REST: variants seen among roughly 807,000 people sequenced by gnomAD.
REST encodes RE1 silencing transcription factor, also known as RE1-silencing transcription factor.
Under a neutral mutation model 30.4 loss-of-function variants are expected in REST, and 1 was observed. That is an observed-to-expected ratio of 0.03 (90% CI 0.01 to 0.16). The LOEUF is 0.16. Ranked by LOEUF, REST falls within the 10% of genes least tolerant of loss-of-function variation. The pLI is 1.00. For synonymous variants in REST, 504 were observed against 451.1 expected (o/e 1.12, Z -1.49); for missense variants, 1,259 against 1,329.5 (o/e 0.95, Z 0.82).
In REST at chr4:56,930,905, G is replaced by C; in HGVS notation, c.2047G>C (p.Ala683Pro). The C allele has an allele frequency of 1.2e-6, 2 of 1,613,358 alleles. No individual in the cohort carries two copies. The highest frequency in any genetic ancestry group is 1.7e-6 in the Non-Finnish European group (2 of 1,179,540). The change falls in exon 4 of 4, where the codon GCT (alanine) becomes CCT (proline). Residue 683 changes from alanine (A) to proline (P), a missense_variant. By Grantham distance (27) the Ala-to-Pro change is conservative. Around this residue, in one of 5 missense-constraint regions of REST, gnomAD observed 856 missense variants for 772.8 expected, o/e 1.11. Transcript: ENST00000309042. ...GATGGTGGGTGCCCAAATTGTACTT[G>C]CTCACATGGAGCTGCCTCCTCCCAT... Reference protein sequence around the residue: ...AQMVGAQIVLAHMELPPPMET... With the variant: ...AQMVGAQIVLPHMELPPPMET...
rs1016195062 is a variant in REST at position 56,931,137 on chromosome 4, C to G, written c.2279C>G (p.Pro760Arg). ...SPPMEVVQKE[P>R]VKIELSPPIE... is the part of the protein sequence containing the mutation. ...CCCATGGAGGTGGTCCAGAAGGAAC[C>G]TGTTAAGATAGAGCTGTCTCCTCCC... The change falls in exon 4 of 4, where the codon CCT becomes CGT. Residue 760 changes from proline to arginine, a missense_variant. By Grantham distance (103) the Pro-to-Arg change is moderately radical. Transcript: ENST00000309042. 6 of 1,604,354 alleles carry G rather than the reference C, an allele frequency of 3.7e-6. No individual in the cohort carries two copies. In the African/African-American group the frequency reaches 8.1e-5, roughly 22 times the overall value.
rs781654 is a variant in REST at position 56,908,010 on chromosome 4, C to G, written c.-213C>G. The G allele has an allele frequency of 0.9, 324,355 of 360,606 alleles. 146,631 individuals are homozygous for G. The highest frequency in any genetic ancestry group is 0.97 in the African/African-American group (45,460 of 46,868). 22.3% of individuals were successfully genotyped at this position (360,606 alleles called of 1,614,324 possible). ...GGCCCCAGACCCTGGCGGCGGCTGC[C>G]GCAGCCGAGACGGCAGGGCGAGGCC... On this transcript the variant is annotated 5_prime_UTR_variant, in exon 1 of 4. Transcript: ENST00000309042.
intron 3 of REST, among the ~76,000 whole-genome samples, chr4:56,922,783 T>C (rs1016749614): frequency 2.0e-5 from 3 of 152,246 alleles, no homozygotes; most frequent in African/African-American, 7.2e-5. Context: ...TCTCATGGTG[T>C]CATTTAGCTT....
At position 56,908,091 on chromosome 4, in the gene REST, GC is replaced by G; in HGVS notation, c.-128del. On this transcript the variant is annotated 5_prime_UTR_variant, in exon 1 of 4. Coordinates refer to ENST00000309042, the MANE Select transcript of REST (RefSeq NM_005612.5). ...TCCTGGGCCTTCTTGGTCCACGACGGCCCCAGCACCCAACTTTACCACCCTC... is the reference window on the plus strand; with the variant it reads ...TCCTGGGCCTTCTTGGTCCACGACGGCCCAGCACCCAACTTTACCACCCTC... 3.0e-6 allele frequency: 1 copy of G among 333,090 alleles called. No individual in the cohort carries two copies. Among genetic ancestry groups the G allele is most frequent in the East Asian group, 4.2e-5 (1 of 23,702 alleles). The allele number at this position is 333,090 out of a possible 1,614,324, so 20.6% of individuals were successfully genotyped here.
At position 56,911,263 on chromosome 4, in the gene REST, G is replaced by A; in HGVS notation, c.625G>A (p.Gly209Arg). The change falls in exon 2 of 4, where the codon GGA (glycine) becomes AGA (arginine). Residue 209 changes from glycine to arginine, a missense_variant. By Grantham distance (125) the Gly-to-Arg change is moderately radical (BLOSUM62 -2). Coordinates refer to ENST00000309042, the MANE Select transcript of REST (RefSeq NM_005612.5). ...RESGSSTAEE[G>R]DFSKGPIRCD... ...ATCTGGCTCTTCCACTGCAGAAGAG[G>A]GAGATTTCTCCAAGGGCCCCATTCG... is the stretch of plus-strand genomic sequence containing the variant. 6.2e-7 allele frequency: 1 copy of A among 1,614,102 alleles called. No individual in the cohort carries two copies. The highest frequency in any genetic ancestry group is 8.5e-7 in the Non-Finnish European group (1 of 1,179,996).
At chr4:56,919,971 T>G (rs775806700) in intron 3 of REST, 101 bp downstream of exon 3, 85 of 490,574 alleles carry the variant, frequency 1.7e-4, no homozygotes, top group Non-Finnish European at 2.8e-4. Context: ...TTATTTATTT[T>G]TAATATAATT....
chr4:56,930,042 A>G lies in REST; in HGVS notation c.1184A>G (p.Asp395Gly), dbSNP rs112873471. 1 of 1,614,204 alleles carries G rather than the reference A, an allele frequency of 6.2e-7. No homozygotes were observed. The highest frequency in any genetic ancestry group is 1.1e-5 in the South Asian group (1 of 91,082). ...NPRQFNCPVC[D>G]YAASKKCNLQ... is the part of the protein sequence containing the mutation. Reference sequence around the variant, plus strand: ...CGGCAGTTCAATTGCCCTGTATGTGACTATGCAGCTTCCAAGAAGTGTAAT... The same window carrying G: ...CGGCAGTTCAATTGCCCTGTATGTGGCTATGCAGCTTCCAAGAAGTGTAAT... Residue 395 changes from aspartate to glycine, a missense_variant, in exon 4 of 4, where the codon GAC becomes GGC. Physicochemically the swap from Asp to Gly is moderately conservative, Grantham distance 94. Coordinates refer to ENST00000309042, the MANE Select transcript of REST (RefSeq NM_005612.5).
intron 2 of REST, among the ~76,000 whole-genome samples, chr4:56,912,369 C>G (rs1578487738): frequency 8.1e-6 from 1 of 123,492 alleles, no homozygotes; most frequent in African/African-American, 3.1e-5. Context: ...TTGAGACAGT[C>G]TGGCTTTGTC....
Position 56,927,050 on chromosome 4 carries a change from C to T in REST, c.983-2791C>T, listed in dbSNP as rs557090779. On this transcript the variant is annotated intron_variant, in intron 3 of 3. Transcript: ENST00000309042. ...GGCGGGGGTTGCAGTGAGCCGAGAT[C>T]GCGCCATTGCACTCCAGACTGGGCA... Among the ~76,000 whole-genome samples, 16 of 151,574 alleles carry T rather than the reference C, an allele frequency of 1.1e-4. No homozygotes were observed. In the East Asian group the frequency reaches 2.7e-3, roughly 26 times the overall value.
intron 3 of REST, among the ~76,000 whole-genome samples, chr4:56,925,853 C>G (rs1217117119): frequency 1.3e-5 from 2 of 152,166 alleles, no homozygotes; most frequent in Non-Finnish European, 2.9e-5. Context: ...TACATCCTCC[C>G]TTTCCGTTCA....
chr4:56,912,091 G>A (rs1165217184), intron 2 of REST, among the ~76,000 whole-genome samples: 2 of 152,182 alleles, frequency 1.3e-5, no homozygotes, highest in Admixed American at 6.5e-5. Context: ...CCTTGCACAT[G>A]CCCACTTAAC....
intron 3 of REST, chr4:56,927,549 A>G: frequency 1.6e-6 from 1 of 630,632 alleles, no homozygotes; most frequent in Admixed American, 5.5e-5. Context: ...TGAATTTGAG[A>G]ATGTTTGAGA....
chr4:56,912,476 C>A (rs1447181340), intron 2 of REST, among the ~76,000 whole-genome samples: 2 of 151,330 alleles, frequency 1.3e-5, no homozygotes, highest in Non-Finnish European at 2.9e-5. Context: ...GGCTCAGCCT[C>A]CCGAGTAGCT....
At chr4:56,913,388 T>C (rs2109530195) in intron 2 of REST, among the ~76,000 whole-genome samples, 2 of 152,276 alleles carry the variant, frequency 1.3e-5, no homozygotes. Context: ...CAAATAAATG[T>C]TTTTAACTAT....
Position 56,932,755 on chromosome 4 carries a change from G to A in REST, c.*603G>A, listed in dbSNP as rs369294506. On this transcript the variant is annotated 3_prime_UTR_variant, in exon 4 of 4. Coordinates refer to ENST00000309042, the MANE Select transcript of REST (RefSeq NM_005612.5). ...ATTTTGGTGTGTTTTTTATTTTGGT[G>A]CTTTAATGGCTTAAGATGTTGCACA... 6.6e-6 allele frequency: 1 copy of A among 151,808 alleles called. No homozygotes were observed. Among genetic ancestry groups the A allele is most frequent in the East Asian group, 1.9e-4 (1 of 5,178 alleles). 9.4% of individuals were successfully genotyped at this position (151,808 alleles called of 1,614,324 possible).
At position 56,931,158 on chromosome 4, in the gene REST, C is replaced by T. The variant is rs145232477; in HGVS notation, c.2300C>T (p.Pro767Leu). 9.3e-6 allele frequency: 15 copies of T among 1,608,178 alleles called. No individual in the cohort carries two copies. Among genetic ancestry groups the T allele is most frequent in the Non-Finnish European group, 1.3e-5 (15 of 1,175,440 alleles). Residue 767 changes from proline (P) to leucine (L), a missense_variant, in exon 4 of 4, where the codon CCT (proline) becomes CTT (leucine). Coordinates refer to ENST00000309042, the MANE Select transcript of REST (RefSeq NM_005612.5). Reference protein sequence around the residue: ...QKEPVKIELSPPIEVVQKEPV... With the variant: ...QKEPVKIELSLPIEVVQKEPV... ...GAACCTGTTAAGATAGAGCTGTCTC[C>T]TCCCATAGAGGTGGTCCAGAAGGAG...
intron 3 of REST, among the ~76,000 whole-genome samples, chr4:56,928,207 A>C (rs1236949404): frequency 6.6e-6 from 1 of 152,062 alleles, no homozygotes; most frequent in Non-Finnish European, 1.5e-5. Context: ...TCTGGGTCCA[A>C]GCAATTCTCC....
At chr4:56,920,859 A>G (rs1720415185) in intron 3 of REST, among the ~76,000 whole-genome samples, 1 of 152,022 alleles carries the variant, frequency 6.6e-6, no homozygotes, top group South Asian at 2.1e-4. Flanking sequence ...TACCACTTTT[A>G]CTTTTTATTT....
chr4:56,914,362 T>A (rs377653355), intron 2 of REST, among the ~76,000 whole-genome samples: 1 of 152,362 alleles, frequency 6.6e-6, no homozygotes, highest in Admixed American at 6.5e-5. Flanking sequence ...ACAGGATTGC[T>A]AAGCCCCAGC....
Sources: gnomAD v4.1 joint callset for allele counts (sites outside exome capture counted in the v4.1 genomes callset) on GRCh38, gnomAD v4.1.1 for gene constraint, gnomAD v4.1.1 regional missense constraint, MANE v1.5 for transcripts, NCBI Gene and HGNC (gene_info 2026-07-23, HGNC 2026-07-21) for gene names.